Variants in RASSF8 observed in about 807,000 individuals in gnomAD.
RASSF8 encodes the protein ras association domain-containing protein 8.
A neutral mutation model predicts 48.5 loss-of-function variants in RASSF8; 22 were observed. The ratio of observed to expected loss-of-function variants is 0.45; its 90% CI spans 0.32 to 0.65. The LOEUF (loss-of-function observed/expected upper bound fraction) is 0.65, where lower values mean the gene tolerates loss of function less well. RASSF8 is among the 30% of genes least tolerant of loss of function. The pLI is 0.03. For missense variants in RASSF8, 418 were observed against 489.2 expected, an observed-to-expected ratio of 0.85 and a Z score of 1.37; for synonymous variants, 127 against 171.5, an observed-to-expected ratio of 0.74 and a Z score of 2.03.
At chr12:26,023,391 G>GA (rs1171172530) in intron 2 of RASSF8, among the ~76,000 whole-genome samples, 3 of 152,096 alleles carry the variant, frequency 2.0e-5, no homozygotes, top group African/African-American at 7.2e-5. Context: ...AGCAGCAATA[G>GA]AAAAGTGTTA....
chr12:25,992,924 A>G (rs544121421), intron 1 of RASSF8, among the ~76,000 whole-genome samples: 73 of 152,332 alleles, frequency 4.8e-4, no homozygotes, highest in African/African-American at 1.7e-3. Context: ...GGAGACTTTC[A>G]AAAGCAGTAG....
rs186048176 is a variant in RASSF8, at chr12:26,057,925, T to C, written c.103+2479T>C. Among the ~76,000 whole-genome samples the C allele has an allele frequency of 4.6e-5, 7 of 152,350 alleles. No individual in the cohort carries two copies. In the East Asian group the frequency reaches 1.4e-3, roughly 29 times the overall value. On this transcript the variant is annotated intron_variant, in intron 3 of 5. Transcript: ENST00000689635. ...GTGTCTGTTGGCTGCATAAATGTCTTCTTTTGAGAAGTGTCTGTTCATATC... is the reference window on the plus strand; with the variant it reads ...GTGTCTGTTGGCTGCATAAATGTCTCCTTTTGAGAAGTGTCTGTTCATATC...
Position 26,072,572 on chromosome 12 carries a change from C to CA in RASSF8, c.*3755dup, listed in dbSNP as rs1944021983. The CA allele has an allele frequency of 1.0e-6, 1 of 985,078 alleles. No individual in the cohort carries two copies. Among genetic ancestry groups the CA allele is most frequent in the Non-Finnish European group, 1.2e-6 (1 of 829,816 alleles). The allele number at this position is 985,078 out of a possible 1,614,324, so 61.0% of individuals were successfully genotyped here. On this transcript the variant is annotated 3_prime_UTR_variant, in exon 6 of 6. Transcript: ENST00000689635. ...ATTAAAAAATAGATTTACAGCCAGA[C>CA]ATGGTGATAGCCCTAAATGTATTTC...
chr12:25,998,349 CT>C (rs34094399), intron 2 of RASSF8, among the ~76,000 whole-genome samples: 21,912 of 130,846 alleles, frequency 0.17, 1,913 homozygotes, highest in East Asian at 0.32. Flanking sequence ...GAAGACAAAG[CT>C]TTTTTTTTTT....
At chr12:25,961,494 G>A (rs1941233363) in intron 1 of RASSF8, among the ~76,000 whole-genome samples, 1 of 152,074 alleles carries the variant, frequency 6.6e-6, no homozygotes, top group African/African-American at 2.4e-5. Flanking sequence ...AAAGTGTAGA[G>A]AGAGTTTCCA....
intron 1 of RASSF8, among the ~76,000 whole-genome samples, chr12:25,969,564 GCA>G (rs1484131046): frequency 6.6e-6 from 1 of 152,160 alleles, no homozygotes; most frequent in African/African-American, 2.4e-5. Context: ...AACAATCCGT[GCA>G]AGGGATGGCT....
At chr12:26,045,476 AT>A (rs955504907) in intron 2 of RASSF8, among the ~76,000 whole-genome samples, 6 of 152,116 alleles carry the variant, frequency 3.9e-5, no homozygotes, top group African/African-American at 1.4e-4. Context: ...TCACAAAATT[AT>A]TTTATTTTGT....
At chr12:25,990,510 A>G (rs10842651) in intron 1 of RASSF8, among the ~76,000 whole-genome samples, 56,630 of 152,058 alleles carry the variant, frequency 0.37, 11,501 homozygotes, top group Non-Finnish European at 0.46. Context: ...TTTGCAAACT[A>G]ATATAGCTTA....
intron 2 of RASSF8, among the ~76,000 whole-genome samples, chr12:26,044,872 A>T (rs1943339834): frequency 6.6e-6 from 1 of 151,860 alleles, no homozygotes; most frequent in Non-Finnish European, 1.5e-5. Flanking sequence ...AAAGAGAATG[A>T]CAACTATAGA....
intron 3 of RASSF8, among the ~76,000 whole-genome samples, chr12:26,057,839 ATCTCAT>A (rs1299689925): frequency 6.6e-6 from 1 of 152,128 alleles, no homozygotes; most frequent in African/African-American, 2.4e-5. Context: ...GTGAGATGGT[ATCTCAT>A]TGTGGTTTTG....
At chr12:25,964,843 T>C (rs1410368467) in intron 1 of RASSF8, among the ~76,000 whole-genome samples, 1 of 152,256 alleles carries the variant, frequency 6.6e-6, no homozygotes, top group Non-Finnish European at 1.5e-5. Flanking sequence ...ACGTTAAATG[T>C]CAGAATATCT....
chr12:26,055,137 GATT>G, intron 2 of RASSF8, 96 bp from the exon 3 acceptor site: 1 of 554,662 alleles, frequency 1.8e-6, no homozygotes, highest in Non-Finnish European at 3.3e-6. Flanking sequence ...ACTTCAGTAA[GATT>G]ATGATATGTT....
intron 1 of RASSF8, among the ~76,000 whole-genome samples, chr12:25,993,902 T>C (rs1942071896): frequency 6.6e-6 from 1 of 152,234 alleles, no homozygotes; most frequent in African/African-American, 2.4e-5. Flanking sequence ...TGCACCTTTT[T>C]GTTACAACTG....
chr12:26,062,274 C>G (rs1943761026), intron 3 of RASSF8, among the ~76,000 whole-genome samples: 1 of 152,168 alleles, frequency 6.6e-6, no homozygotes, highest in African/African-American at 2.4e-5. Flanking sequence ...TGTGGTTTTT[C>G]TTTGGGAGCA....
chr12:26,004,867 A>G (rs1942348569), intron 2 of RASSF8, among the ~76,000 whole-genome samples: 3 of 152,178 alleles, frequency 2.0e-5, no homozygotes, highest in Admixed American at 2.0e-4. Flanking sequence ...ACAATAAGTG[A>G]AAGGTATAAA....
intron 2 of RASSF8, among the ~76,000 whole-genome samples, chr12:25,996,861 T>A (rs1942146202): frequency 6.6e-6 from 1 of 152,190 alleles, no homozygotes. Context: ...TCCCTAAACC[T>A]TTCTGAATGA....
chr12:26,033,244 A>G (rs1943065318), intron 2 of RASSF8, among the ~76,000 whole-genome samples: 1 of 152,194 alleles, frequency 6.6e-6, no homozygotes, highest in Admixed American at 6.5e-5. Flanking sequence ...GGCCATTTCA[A>G]GGTATGCTGG....
At chr12:26,025,066 TAAA>T (rs1324310927) in intron 2 of RASSF8, among the ~76,000 whole-genome samples, 1 of 152,268 alleles carries the variant, frequency 6.6e-6, no homozygotes, top group East Asian at 1.9e-4. Context: ...CTCTTTATGA[TAAA>T]AAACATTCAA....
chr12:26,041,503 G>A (rs1198009762), intron 2 of RASSF8, among the ~76,000 whole-genome samples: 1 of 152,040 alleles, frequency 6.6e-6, no homozygotes. Context: ...AATTTAATGA[G>A]TATGTACTAT....
Sources: gnomAD v4.1 joint callset for allele counts (sites outside exome capture counted in the v4.1 genomes callset) on GRCh38, gnomAD v4.1.1 for gene constraint, MANE v1.5 for transcripts, NCBI Gene and HGNC (gene_info 2026-07-23, HGNC 2026-07-21) for gene names.